IFT46: variants seen among roughly 807,000 people sequenced by gnomAD.
IFT46 encodes the protein intraflagellar transport 46, also known as intraflagellar transport protein 46 homolog.
IFT46 carries 19 observed loss-of-function variants against 39.6 expected under a neutral mutation model. The observed-to-expected ratio is 0.48, with a 90% confidence interval of 0.33 to 0.70. The LOEUF is 0.70. Among genes scored for constraint, IFT46 ranks in the 30% least tolerant of loss-of-function variants. The probability of loss-of-function intolerance (pLI) is 0.01; values close to 1 mark genes in which losing one functional copy is unlikely to be tolerated. For missense variants in IFT46, 334 were observed against 364.8 expected, an observed-to-expected ratio of 0.92 and a Z score of 0.69; for synonymous variants, 117 against 134.8, an observed-to-expected ratio of 0.87 and a Z score of 0.91.
chr11:118,554,595 A>G lies in IFT46; in HGVS notation c.355-8T>C. The stretch of plus-strand genomic sequence containing the variant: ...TCCATCAGGACGTGGGACCTGGTTA[A>G]GAAAAAGGTAAGAAAGCAGAAAGGA... On this transcript the variant is annotated splice_polypyrimidine_tract_variant and splice_region_variant and intron_variant, in intron 6 of 11. Transcript: ENST00000264021. 1.3e-6 allele frequency: 2 copies of G among 1,584,998 alleles called. No individual in the cohort carries two copies. The highest frequency in any genetic ancestry group is 1.4e-5 in the African/African-American group (1 of 73,352).
intron 9 of IFT46, chr11:118,546,143 C>T (rs1565343053): frequency 1.4e-6 from 1 of 718,424 alleles, no homozygotes; most frequent in East Asian, 2.7e-5. Context: ...GACAAAGACG[C>T]ATAACAGAGG....
chr11:118,564,462 G>A (rs1311743823), intron 2 of IFT46, among the ~76,000 whole-genome samples: 1 of 152,128 alleles, frequency 6.6e-6, no homozygotes, highest in Non-Finnish European at 1.5e-5. Flanking sequence ...TATAATCCCA[G>A]CACTTTGGGA....
At chr11:118,562,292 T>C (rs1474087650) in intron 2 of IFT46, among the ~76,000 whole-genome samples, 1 of 147,450 alleles carries the variant, frequency 6.8e-6, no homozygotes, top group South Asian at 2.1e-4. Context: ...AAAAAAAAAT[T>C]AGCTGGACAT....
chr11:118,545,564 C>T, intron 10 of IFT46, 70 bp from the exon 11 acceptor site: 7 of 1,348,172 alleles, frequency 5.2e-6, no homozygotes, highest in Non-Finnish European at 7.4e-6. Flanking sequence ...TTCTGTCTAG[C>T]ACAGGCAAAG....
chr11:118,575,539 A>G (rs1938475292), upstream of IFT46, among the ~76,000 whole-genome samples: 1 of 152,116 alleles, frequency 6.6e-6, no homozygotes, highest in Non-Finnish European at 1.5e-5. Context: ...TATGTGGTCT[A>G]CATTTTATTG....
chr11:118,567,341 C>A (rs516530), upstream of IFT46, among the ~76,000 whole-genome samples: 1 of 152,130 alleles, frequency 6.6e-6, no homozygotes, highest in Non-Finnish European at 1.5e-5. Flanking sequence ...CTTTGGGAGG[C>A]CAAGGTGGGT....
upstream of IFT46, chr11:118,573,907 A>G: frequency 2.1e-6 from 1 of 470,152 alleles, no homozygotes; most frequent in Non-Finnish European, 3.8e-6. Flanking sequence ...TTTGAAACTC[A>G]GTTCCCGTTT....
At chr11:118,557,096 G>A (rs1219324049) in intron 3 of IFT46, 51 bp from the exon 4 acceptor site, 2 of 1,491,598 alleles carry the variant, frequency 1.3e-6, no homozygotes, top group Non-Finnish European at 1.8e-6. Flanking sequence ...AAAATCAAAT[G>A]TACCTATGCC....
chr11:118,568,705 C>T (rs1156870945), upstream of IFT46, among the ~76,000 whole-genome samples: 1 of 151,500 alleles, frequency 6.6e-6, no homozygotes, highest in South Asian at 2.1e-4. Flanking sequence ...CTCACTCTGT[C>T]GCCCAGGCTG....
At chr11:118,567,202 C>T (rs1938246407), upstream of IFT46, among the ~76,000 whole-genome samples, 3 of 151,930 alleles carry the variant, frequency 2.0e-5, no homozygotes, top group Admixed American at 6.6e-5. Context: ...TGCAGTGAAC[C>T]GAGATTGGGC....
intron 9 of IFT46, chr11:118,546,208 C>T: frequency 2.8e-6 from 2 of 716,946 alleles, no homozygotes; most frequent in Non-Finnish European, 5.2e-6. Context: ...CAGAAGAAAT[C>T]AATCTTGGTG....
Position 118,557,046 on chromosome 11 carries a change from C to T in IFT46, c.46-1G>A, listed in dbSNP as rs1937864313. 2 of 1,597,918 alleles carry T rather than the reference C, an allele frequency of 1.3e-6. No individual in the cohort carries two copies. Among genetic ancestry groups the T allele is most frequent in the African/African-American group, 1.3e-5 (1 of 74,228 alleles). Reference sequence around the variant, plus strand: ...TCAACTGTGAGGTCTTCTTCTTCTCCTGTGATAGGGCAGGGCAGGCATAGA... The same window carrying T: ...TCAACTGTGAGGTCTTCTTCTTCTCTTGTGATAGGGCAGGGCAGGCATAGA... On this transcript the variant is annotated splice_acceptor_variant, in intron 3 of 11. Transcript: ENST00000264021. LOFTEE classifies it high-confidence loss of function.
chr11:118,551,727 C>A, intron 9 of IFT46, 59 bp downstream of exon 9: 3 of 1,176,358 alleles, frequency 2.6e-6, no homozygotes, highest in Non-Finnish European at 3.8e-6. Context: ...AGAAAAAACA[C>A]TGGGCCCTGG....
intron 1 of IFT46, among the ~76,000 whole-genome samples, chr11:118,571,052 T>C (rs907017782): frequency 6.6e-6 from 1 of 152,162 alleles, no homozygotes; most frequent in Non-Finnish European, 1.5e-5. Flanking sequence ...AATTCCAGAA[T>C]GTTTTAATTA....
In IFT46 at chr11:118,546,174, G is replaced by C. The variant is rs140711786; in HGVS notation, c.673-321C>G. Reference sequence around the variant, plus strand: ...AGAGGGAAGACCATGGGAAGACACAGAAGATGGCCAAGAAGAGACCCCTCA... The same window carrying C: ...AGAGGGAAGACCATGGGAAGACACACAAGATGGCCAAGAAGAGACCCCTCA... On this transcript the variant is annotated intron_variant, in intron 9 of 11. Coordinates refer to ENST00000264021, the MANE Select transcript of IFT46 (RefSeq NM_001168618.2). 430 of 718,502 alleles carry C rather than the reference G, an allele frequency of 6.0e-4. 5 individuals are homozygous for C. In the East Asian group the frequency reaches 9.7e-3, roughly 16 times the overall value. 44.5% of individuals were successfully genotyped at this position (718,502 alleles called of 1,614,324 possible). A position where few individuals can be genotyped will look rare whatever the true frequency, so the allele number is the denominator to read the frequency against.
intron 6 of IFT46, 145 bp downstream of exon 6, chr11:118,554,845 T>C: frequency 2.9e-6 from 2 of 694,792 alleles, no homozygotes; most frequent in Non-Finnish European, 4.8e-6. Flanking sequence ...TGAGTGTAAT[T>C]TGGAGTTGAG....
upstream of IFT46, chr11:118,566,010 A>G (rs1555071436): frequency 6.6e-6 from 1 of 152,180 alleles, no homozygotes; most frequent in Non-Finnish European, 1.5e-5. Flanking sequence ...AAGGCTCTCC[A>G]CGCAGGAAGA....
chr11:118,572,802 T>A, exon 1 of IFT46: 1 of 460,480 alleles, frequency 2.2e-6, no homozygotes, highest in Non-Finnish European at 3.9e-6. Context: ...CCTCGTTTGC[T>A]GGGACCTGCC....
chr11:118,561,112 T>C lies in IFT46; in HGVS notation c.-35-1248A>G, dbSNP rs1474138208. On this transcript the variant is annotated intron_variant, in intron 2 of 11. Transcript: ENST00000264021. Reference sequence around the variant, plus strand: ...GCATTGATGGTCAGCCAGGTGCCTTTACCTGCTATTTGGATACAGGTCTTG... The same window carrying C: ...GCATTGATGGTCAGCCAGGTGCCTTCACCTGCTATTTGGATACAGGTCTTG... 24 of 1,506,716 alleles carry C rather than the reference T, an allele frequency of 1.6e-5. 1 individual carries two copies. In the Admixed American group the frequency reaches 1.7e-4, roughly 11 times the overall value. The allele number at this position is 1,506,716 out of a possible 1,614,324, so 93.3% of individuals were successfully genotyped here.
Sources: allele counts gnomAD v4.1 joint callset (sites outside exome capture counted in the v4.1 genomes callset), GRCh38; gene constraint gnomAD v4.1.1; transcripts MANE v1.5; gene names NCBI Gene and HGNC (gene_info 2026-07-23, HGNC 2026-07-21).